The following GFM1 variants were observed in gnomAD, a reference collection of about 807,000 sequenced individuals.
GFM1 encodes the protein G elongation factor mitochondrial 1.
A neutral mutation model predicts 96.2 loss-of-function variants in GFM1; 62 were observed. The ratio of observed to expected loss-of-function variants is 0.64; its 90% confidence interval spans 0.53 to 0.80. The LOEUF is 0.80. Ranked by LOEUF, GFM1 falls within the 30% of genes least tolerant of loss-of-function variation. The pLI is 0.00. For missense variants in GFM1, 852 were observed against 916.6 expected, an observed-to-expected ratio of 0.93 and a Z score of 0.91; for synonymous variants, 282 against 312.9, an observed-to-expected ratio of 0.90 and a Z score of 1.04.
At chr3:158,675,440 C>G (rs1724807909) in intron 13 of GFM1, among the ~76,000 whole-genome samples, 1 of 151,316 alleles carries the variant, frequency 6.6e-6, no homozygotes, top group African/African-American at 2.4e-5. Flanking sequence ...TGAGCTGTAA[C>G]AAAATAATAT....
At chr3:158,666,431 C>T in intron 13 of GFM1, 45 bp downstream of exon 13, 1 of 1,515,984 alleles carries the variant, frequency 6.6e-7, no homozygotes. Flanking sequence ...GAAATTGAAG[C>T]TTTTTATTTT....
chr3:158,663,285 A>G (rs984177693), intron 11 of GFM1, among the ~76,000 whole-genome samples: 4 of 152,222 alleles, frequency 2.6e-5, no homozygotes, highest in African/African-American at 9.6e-5. Context: ...TGCCATGGGA[A>G]TTAGTCTGAT....
At chr3:158,688,208 A>G (rs181969890) in intron 15 of GFM1, among the ~76,000 whole-genome samples, 5 of 152,346 alleles carry the variant, frequency 3.3e-5, no homozygotes, top group Non-Finnish European at 5.9e-5. Flanking sequence ...ACTGAAATGT[A>G]AAATTGACTA....
chr3:158,647,826 A>G (rs1284395488), intron 4 of GFM1, among the ~76,000 whole-genome samples: 1 of 151,984 alleles, frequency 6.6e-6, no homozygotes, highest in Non-Finnish European at 1.5e-5. Context: ...CATTTATTTG[A>G]TTACTTTGGT....
intron 15 of GFM1, among the ~76,000 whole-genome samples, chr3:158,688,402 A>G (rs1726043522): frequency 6.6e-6 from 1 of 152,204 alleles, no homozygotes; most frequent in Non-Finnish European, 1.5e-5. Flanking sequence ...GGAAGAGAGC[A>G]GGGTAAGGGG....
chr3:158,656,547 T>G (rs1014632699), intron 8 of GFM1: 10 of 152,282 alleles, frequency 6.6e-5, no homozygotes, highest in African/African-American at 1.9e-4. Flanking sequence ...ACTCTTTTTA[T>G]TCCCCTTTTC....
intron 12 of GFM1, 41 bp from the exon 13 acceptor site, chr3:158,666,263 A>T: frequency 6.8e-7 from 1 of 1,464,612 alleles, no homozygotes; most frequent in Non-Finnish European, 9.5e-7. Flanking sequence ...CTTTCGGTTT[A>T]TTTTTTTAAA....
In GFM1 at chr3:158,652,245, AG is replaced by A. The variant is rs1386933631; in HGVS notation, c.840+1del. ...EEKIPSISDL[K>X]LAIRRATLKR... ...AAAATCCCCTCGATTTCTGATTTAAAGGCAAGTGCTTTCAAAATAAGTCTTA... is the reference window on the plus strand; with the variant it reads ...AAAATCCCCTCGATTTCTGATTTAAAGCAAGTGCTTTCAAAATAAGTCTTA... On this transcript the variant is annotated frameshift_variant and splice_region_variant, in exon 6 of 18. Transcript: ENST00000486715. LOFTEE classifies it high-confidence loss of function. The A allele has an allele frequency of 6.2e-7, 1 of 1,614,034 alleles. No homozygotes were observed. Among genetic ancestry groups the A allele is most frequent in the Non-Finnish European group, 8.5e-7 (1 of 1,179,866 alleles).
chr3:158,649,177 T>C lies in GFM1; in HGVS notation c.689+20T>C, dbSNP rs767650612. 1 of 957,948 alleles carries C rather than the reference T, an allele frequency of 1.0e-6. No homozygotes were observed. Among genetic ancestry groups the C allele is most frequent in the Non-Finnish European group, 1.7e-6 (1 of 586,542 alleles). The allele number at this position is 957,948 out of a possible 1,614,324, so 59.3% of individuals were successfully genotyped here. ...CTTTGGGTAAGTGCTAAAAATACATTATTAAAATTTTAAATTTTAAAAAGC... is the reference window on the plus strand; with the variant it reads ...CTTTGGGTAAGTGCTAAAAATACATCATTAAAATTTTAAATTTTAAAAAGC... On this transcript the variant is annotated intron_variant, in intron 5 of 17. Coordinates refer to ENST00000486715, the MANE Select transcript of GFM1 (RefSeq NM_024996.7).
intron 13 of GFM1, 60 bp from the exon 14 acceptor site, chr3:158,681,932 TAGG>T: frequency 1.6e-6 from 2 of 1,269,786 alleles, no homozygotes; most frequent in Non-Finnish European, 1.1e-6. Flanking sequence ...TTTAAATTAA[TAGG>T]AGTTATTTTA....
chr3:158,684,821 C>A, intron 15 of GFM1, 153 bp downstream of exon 15: 2 of 708,714 alleles, frequency 2.8e-6, no homozygotes, highest in Non-Finnish European at 4.9e-6. Flanking sequence ...GACTTGAGAT[C>A]AAGGTAGATT....
chr3:158,666,699 C>T (rs772275344), intron 13 of GFM1: 63 of 1,613,786 alleles, frequency 3.9e-5, no homozygotes, highest in Admixed American at 2.2e-4. Flanking sequence ...ACTTTAGTGC[C>T]GTATTGTGGA....
intron 13 of GFM1, among the ~76,000 whole-genome samples, chr3:158,676,092 G>T (rs1317959462): frequency 6.6e-6 from 1 of 152,120 alleles, no homozygotes; most frequent in Non-Finnish European, 1.5e-5. Flanking sequence ...GAGCAACATG[G>T]CGAAGCCCTG....
chr3:158,684,758 C>A, intron 15 of GFM1, 90 bp downstream of exon 15: 1 of 1,346,316 alleles, frequency 7.4e-7, no homozygotes, highest in Non-Finnish European at 1.1e-6. Context: ...TCTTCTTCAC[C>A]CAGAGCACTA....
chr3:158,655,300 A>G (rs147907787), intron 8 of GFM1, among the ~76,000 whole-genome samples: 62 of 152,198 alleles, frequency 4.1e-4, no homozygotes, highest in African/African-American at 1.4e-3. Context: ...CCTAGCCAAC[A>G]TGGTGAAACC....
intron 13 of GFM1, among the ~76,000 whole-genome samples, chr3:158,681,110 C>G (rs1052021950): frequency 1.2e-4 from 18 of 152,164 alleles, no homozygotes; most frequent in African/African-American, 3.9e-4. Context: ...CTCCTACCAG[C>G]TTAGAACAGG....
At chr3:158,660,775 T>C in intron 9 of GFM1, 99 bp from the exon 10 acceptor site, 1 of 988,760 alleles carries the variant, frequency 1.0e-6, no homozygotes, top group South Asian at 1.3e-5. Flanking sequence ...TGCCACGCTT[T>C]TTTATATACA....
intron 13 of GFM1, among the ~76,000 whole-genome samples, chr3:158,675,270 A>G (rs765221770): frequency 7.6e-6 from 1 of 131,850 alleles, no homozygotes; most frequent in African/African-American, 2.8e-5. Flanking sequence ...TGGGTGACAG[A>G]GTGAGACTCC....
At chr3:158,652,047 A>C in intron 5 of GFM1, 49 bp from the exon 6 acceptor site, 7 of 1,499,036 alleles carry the variant, frequency 4.7e-6, no homozygotes, top group Non-Finnish European at 6.5e-6. Flanking sequence ...TTAGTCCTTC[A>C]TATATTAAGT....
Sources: gnomAD v4.1 joint callset for allele counts (sites outside exome capture counted in the v4.1 genomes callset) on GRCh38, gnomAD v4.1.1 for gene constraint, MANE v1.5 for transcripts, NCBI Gene and HGNC (gene_info 2026-07-23, HGNC 2026-07-21) for gene names.